Variants in PRDM11 observed in about 807,000 individuals in gnomAD.
PRDM11 encodes the protein PR domain-containing protein 11.
A neutral mutation model predicts 97.8 loss-of-function variants in PRDM11; 20 were observed. The ratio of observed to expected loss-of-function variants is 0.20; its 90% CI spans 0.14 to 0.30. The LOEUF (loss-of-function observed/expected upper bound fraction) is 0.30, where lower values mean the gene tolerates loss of function less well. PRDM11 is among the 10% of genes least tolerant of loss of function. The pLI is 1.00. For missense variants in PRDM11, 1,139 were observed against 1,555.2 expected, an observed-to-expected ratio of 0.73 and a Z score of 4.50; for synonymous variants, 599 against 637.7, an observed-to-expected ratio of 0.94 and a Z score of 0.91.
In PRDM11 at chr11:45,224,403, A is replaced by G; in HGVS notation, c.929A>G (p.Glu310Gly). 6.2e-7 allele frequency: 1 copy of G among 1,614,190 alleles called. No homozygotes were observed. The highest frequency in any genetic ancestry group is 8.5e-7 in the Non-Finnish European group (1 of 1,180,030). The change falls in exon 7 of 8, where the codon GAG becomes GGG. Residue 310 changes from glutamate to glycine, a missense_variant. By Grantham distance (98) the Glu-to-Gly change is moderately conservative. Transcript: ENST00000683152. ...GACCTGATTTTCAAGGATGTTCTGGAGGCCTCACTGGAATCTGCGAAGGTG... is the reference window on the plus strand; with the variant it reads ...GACCTGATTTTCAAGGATGTTCTGGGGGCCTCACTGGAATCTGCGAAGGTG... ...KIDLIFKDVL[E>G]ASLESAKVEA...
chr11:45,125,372 C>T (rs1005184660), intron 1 of PRDM11, among the ~76,000 whole-genome samples: 1 of 151,978 alleles, frequency 6.6e-6, no homozygotes, highest in African/African-American at 2.4e-5. Flanking sequence ...TATTTCTTGC[C>T]TTCTGCTAGC....
chr11:45,113,788 T>TTGTGTGTG (rs142584346), intron 1 of PRDM11, among the ~76,000 whole-genome samples: 26 of 137,200 alleles, frequency 1.9e-4, no homozygotes, highest in African/African-American at 6.2e-4. Flanking sequence ...TGCTACTGAT[T>TTGTGTGTG]TGTGTGTGTG....
chr11:45,182,515 T>C (rs1284956714), intron 3 of PRDM11, among the ~76,000 whole-genome samples, 166 bp downstream of exon 3: 1 of 152,156 alleles, frequency 6.6e-6, no homozygotes, highest in South Asian at 2.1e-4. Context: ...CAAATGGCTA[T>C]TGTTAGCCCC....
chr11:45,148,631 C>T (rs1851582967), intron 1 of PRDM11, among the ~76,000 whole-genome samples: 1 of 152,172 alleles, frequency 6.6e-6, no homozygotes, highest in Non-Finnish European at 1.5e-5. Context: ...ATAGCCATCA[C>T]CTCTGCACTT....
intron 1 of PRDM11, among the ~76,000 whole-genome samples, chr11:45,174,156 G>A (rs955355874): frequency 3.9e-5 from 6 of 152,046 alleles, no homozygotes; most frequent in Admixed American, 3.9e-4. Context: ...TGTACTCTTT[G>A]GGGGTCTCCT....
chr11:45,183,230 T>G (rs1171853419), intron 4 of PRDM11, 107 bp downstream of exon 4: 1 of 1,380,164 alleles, frequency 7.2e-7, no homozygotes, highest in Non-Finnish European at 9.7e-7. Context: ...TTTTCTACCA[T>G]CGCTTCTGGA....
At chr11:45,100,341 G>GGGTGATCCTCACACTCACCCCAT (rs1554963088) in intron 1 of PRDM11, among the ~76,000 whole-genome samples, 56 of 152,142 alleles carry the variant, frequency 3.7e-4, no homozygotes, top group African/African-American at 1.3e-3. Context: ...ACTCACCCCA[G>GGGTGATCCTCACACTCACCCCAT]GAGAAAAAAA....
At chr11:45,154,775 C>T (rs966300248) in intron 1 of PRDM11, among the ~76,000 whole-genome samples, 1 of 152,206 alleles carries the variant, frequency 6.6e-6, no homozygotes, top group Non-Finnish European at 1.5e-5. Flanking sequence ...GCTCTTAAAA[C>T]CCCCATTTTA....
At chr11:45,139,733 G>T (rs1852958519) in intron 1 of PRDM11, among the ~76,000 whole-genome samples, 1 of 152,116 alleles carries the variant, frequency 6.6e-6, no homozygotes. Flanking sequence ...TAAAAAATGT[G>T]ATCTAACCTA....
At chr11:45,129,078 G>C (rs1004408973) in intron 1 of PRDM11, among the ~76,000 whole-genome samples, 1 of 152,136 alleles carries the variant, frequency 6.6e-6, no homozygotes, top group Non-Finnish European at 1.5e-5. Flanking sequence ...CATCTTGATA[G>C]ATATAGAAAC....
At chr11:45,116,484 A>G (rs1278737523) in intron 1 of PRDM11, among the ~76,000 whole-genome samples, 2 of 152,242 alleles carry the variant, frequency 1.3e-5, no homozygotes, top group Non-Finnish European at 2.9e-5. Flanking sequence ...AGCAATGACA[A>G]TAAGGTATCT....
At chr11:45,180,772 C>T (rs1411395017) in intron 1 of PRDM11, among the ~76,000 whole-genome samples, 3 of 150,328 alleles carry the variant, frequency 2.0e-5, no homozygotes, top group African/African-American at 7.3e-5. Context: ...GCGCCCGCCC[C>T]GGCCGCAGCC....
At chr11:45,208,342 G>A (rs1454271357) in intron 5 of PRDM11, among the ~76,000 whole-genome samples, 2 of 152,140 alleles carry the variant, frequency 1.3e-5, no homozygotes, top group South Asian at 4.1e-4. Context: ...TACACCCAAC[G>A]GTAGCCAGTG....
chr11:45,211,751 G>A (rs1056950424), intron 5 of PRDM11, among the ~76,000 whole-genome samples: 9 of 151,808 alleles, frequency 5.9e-5, no homozygotes, highest in Non-Finnish European at 7.4e-5. Context: ...CGCAAAGTCC[G>A]TTGTATCAAT....
At chr11:45,180,413 C>A (rs1565293919) in intron 1 of PRDM11, among the ~76,000 whole-genome samples, 1 of 152,092 alleles carries the variant, frequency 6.6e-6, no homozygotes, top group Non-Finnish European at 1.5e-5. Context: ...GCTGGGGACA[C>A]CCGCCCGGCC....
In PRDM11 at chr11:45,182,892, T is replaced by G. The variant is rs1852563596; in HGVS notation, c.255T>G (p.Asp85Glu). 1 of 1,607,008 alleles carries G rather than the reference T, an allele frequency of 6.2e-7. No individual in the cohort carries two copies. Among genetic ancestry groups the G allele is most frequent in the African/African-American group, 1.3e-5 (1 of 74,798 alleles). Reference protein sequence around the residue: ...FCESCQEYFVDECPNHGPPVF... With the variant: ...FCESCQEYFVEECPNHGPPVF... ...AGTCCTGCCAGGAGTACTTCGTGGA[T>G]GAATGCCCAAACCATGGCCCCCCGG... is the stretch of plus-strand genomic sequence containing the variant. Residue 85 changes from aspartate (D) to glutamate (E), a missense_variant, in exon 4 of 8, where the codon GAT becomes GAG. By Grantham distance (45) the Asp-to-Glu change is conservative (BLOSUM62 2). This residue lies in a region of PRDM11 where 429 missense variants were observed against 510.3 expected (regional missense o/e 0.84). Coordinates refer to ENST00000683152, the MANE Select transcript of PRDM11 (RefSeq NM_001384648.1).
At chr11:45,137,817 C>T (rs1300028850) in intron 1 of PRDM11, among the ~76,000 whole-genome samples, 5 of 152,160 alleles carry the variant, frequency 3.3e-5, no homozygotes, top group Non-Finnish European at 7.4e-5. Context: ...AGTTCCTTCC[C>T]GACTCGGGTC....
At chr11:45,193,413 G>T (rs1852985156) in intron 4 of PRDM11, among the ~76,000 whole-genome samples, 1 of 152,176 alleles carries the variant, frequency 6.6e-6, no homozygotes, top group Admixed American at 6.5e-5. Context: ...AAACCCAGTG[G>T]CATAGAACAA....
chr11:45,173,600 C>T (rs1216277478), intron 1 of PRDM11, among the ~76,000 whole-genome samples: 1 of 128,328 alleles, frequency 7.8e-6, no homozygotes, highest in Non-Finnish European at 1.6e-5. Context: ...CCAGCCTGGA[C>T]AACAAGAGAG....
Sources: allele counts gnomAD v4.1 joint callset (sites outside exome capture counted in the v4.1 genomes callset), GRCh38; gene constraint gnomAD v4.1.1; regional missense constraint gnomAD v4.1.1; transcripts MANE v1.5; gene names NCBI Gene and HGNC (gene_info 2026-07-23, HGNC 2026-07-21).